The following JAKMIP1 variants were observed in gnomAD, a reference collection of about 807,000 sequenced individuals.
JAKMIP1 encodes the protein janus kinase and microtubule-interacting protein 1.
In JAKMIP1, 33 loss-of-function variants were observed where a neutral mutation model predicts 113.0. That is an observed-to-expected ratio of 0.29 (90% CI 0.22 to 0.39). The LOEUF (loss-of-function observed/expected upper bound fraction) is 0.39. Ranked by LOEUF, JAKMIP1 falls within the 10% of genes least tolerant of loss-of-function variation. JAKMIP1 has a pLI of 1.00. For missense variants in JAKMIP1, 813 were observed against 1,080.5 expected (o/e 0.75, Z 3.47); for synonymous variants, 480 against 459.9 (o/e 1.04, Z -0.56).
At chr4:6,163,166 T>C (rs1268947711) in intron 1 of JAKMIP1, among the ~76,000 whole-genome samples, 1 of 152,232 alleles carries the variant, frequency 6.6e-6, no homozygotes, top group Non-Finnish European at 1.5e-5. Context: ...CAGACATACC[T>C]TGTTTTATTG....
At chr4:6,127,032 C>A (rs1277631937) in intron 1 of JAKMIP1, among the ~76,000 whole-genome samples, 4 of 152,170 alleles carry the variant, frequency 2.6e-5, no homozygotes, top group Non-Finnish European at 2.9e-5. Flanking sequence ...CACACACACA[C>A]AGAAGACACA....
At chr4:6,056,609 C>T (rs6831096) in intron 12 of JAKMIP1, 88 bp downstream of exon 12, 23 of 975,512 alleles carry the variant, frequency 2.4e-5, no homozygotes, top group South Asian at 9.0e-5. Flanking sequence ...GCCCAAATGG[C>T]GCTGGGCACG....
At chr4:6,054,261 A>C in intron 12 of JAKMIP1, 113 bp from the exon 13 acceptor site, 8 of 1,021,544 alleles carry the variant, frequency 7.8e-6, no homozygotes, top group South Asian at 1.4e-5. Context: ...CCACGGAGGC[A>C]AGGGGCAGGA....
Position 6,168,492 on chromosome 4 carries a change from T to TTG in JAKMIP1, c.-148+31760_-148+31761insCA, listed in dbSNP as rs1229341707. 6.6e-6 allele frequency among the ~76,000 whole-genome samples: 1 copy of TTG among 151,902 alleles called. No homozygotes were observed. Among genetic ancestry groups the TTG allele is most frequent in the African/African-American group, 2.4e-5 (1 of 41,166 alleles). On this transcript the variant is annotated intron_variant, in intron 1 of 20. Coordinates refer to ENST00000409021, the MANE Select transcript of JAKMIP1 (RefSeq NM_001099433.2). This position sits in a 1 kb window ranked among gnomAD's most constrained non-coding sequence, Gnocchi z 4.6. Reference sequence around the variant, plus strand: ...GAAGGAATGAAGTCTCAACACCTGCTACGACATGAATGAACCTGGAAAACA... The same window carrying TTG: ...GAAGGAATGAAGTCTCAACACCTGCTTGACGACATGAATGAACCTGGAAAACA...
rs1718652849 is a variant in JAKMIP1, at chr4:6,069,519, C to T, written c.1303-4511G>A. 6.6e-6 allele frequency among the ~76,000 whole-genome samples: 1 copy of T among 152,078 alleles called. No individual in the cohort carries two copies. On this transcript the variant is annotated intron_variant, in intron 8 of 20. Coordinates refer to ENST00000409021, the MANE Select transcript of JAKMIP1 (RefSeq NM_001099433.2). The surrounding 1 kb of genome is among the most constrained non-coding windows in gnomAD (Gnocchi z 4.5). ...ATCCCAGCACTTTGGGAGGCTGAGG[C>T]AGAAAGATCGCTTGAGCCCAGGAGT...
intron 3 of JAKMIP1, among the ~76,000 whole-genome samples, chr4:6,104,992 C>T (rs1359732514): frequency 2.0e-5 from 3 of 152,244 alleles, no homozygotes; most frequent in Non-Finnish European, 4.4e-5. Flanking sequence ...GCCGCCCAGG[C>T]AGGGCTCTTT....
At position 6,121,954 on chromosome 4, in the gene JAKMIP1, T is replaced by C. The variant is rs546818816; in HGVS notation, c.-147-8957A>G. 5.9e-4 allele frequency among the ~76,000 whole-genome samples: 90 copies of C among 152,350 alleles called. 2 individuals carry two copies. In the South Asian group the frequency reaches 0.015, roughly 25 times the overall value. On this transcript the variant is annotated intron_variant, in intron 1 of 20. Coordinates refer to ENST00000409021, the MANE Select transcript of JAKMIP1 (RefSeq NM_001099433.2). The stretch of plus-strand genomic sequence containing the variant: ...ATCGTACATACAGCATACTACAGTG[T>C]ATATGTACATATAATGTGTATATAT...
intron 8 of JAKMIP1, among the ~76,000 whole-genome samples, chr4:6,075,330 TAGAGAAGAA>T (rs1478443424): frequency 6.6e-6 from 1 of 151,918 alleles, no homozygotes; most frequent in Non-Finnish European, 1.5e-5. Context: ...TGGCCTGTGG[TAGAGAAGAA>T]AGAGAAGCTT....
At chr4:6,125,598 AACACAC>A (rs111906803) in intron 1 of JAKMIP1, among the ~76,000 whole-genome samples, 2 of 111,998 alleles carry the variant, frequency 1.8e-5, no homozygotes, top group South Asian at 3.1e-4. Flanking sequence ...ACCATGCAGA[AACACAC>A]ACACACACAC....
rs758141768 is a variant in JAKMIP1 at position 6,167,991 on chromosome 4, G to A, written c.-148+32262C>T. Among the ~76,000 whole-genome samples, 1 of 152,148 alleles carries A rather than the reference G, an allele frequency of 6.6e-6. No individual in the cohort carries two copies. The highest frequency in any genetic ancestry group is 1.5e-5 in the Non-Finnish European group (1 of 68,034). On this transcript the variant is annotated intron_variant, in intron 1 of 20. Coordinates refer to ENST00000409021, the MANE Select transcript of JAKMIP1 (RefSeq NM_001099433.2). This position sits in a 1 kb window ranked among gnomAD's most constrained non-coding sequence, Gnocchi z 5.3. ...GTCCGCCCATCCTCCACATCACCCG[G>A]TGTTCAACAGGGAAGACACACAAAT...
At chr4:6,152,907 G>C (rs13151895) in intron 1 of JAKMIP1, among the ~76,000 whole-genome samples, 1 of 151,172 alleles carries the variant, frequency 6.6e-6, no homozygotes, top group Non-Finnish European at 1.5e-5. Context: ...GGAGGCGGAG[G>C]TTGCAGTGAG....
At chr4:6,072,673 A>G (rs1444454696) in intron 8 of JAKMIP1, among the ~76,000 whole-genome samples, 1 of 152,222 alleles carries the variant, frequency 6.6e-6, no homozygotes, top group Admixed American at 6.5e-5. Context: ...GCTGGATCCC[A>G]GGGCACCATC....
chr4:6,042,120 G>A lies in JAKMIP1; in HGVS notation c.2097+39C>T, dbSNP rs747398890. On this transcript the variant is annotated intron_variant, in intron 17 of 20. Transcript: ENST00000409021. This position sits in a 1 kb window ranked among gnomAD's most constrained non-coding sequence, Gnocchi z 5.2. ...GCAAATCAACCTCTCTGAGCTCTTTGAACCCTCTCCCCCACCCCCAGGCAG... is the reference window on the plus strand; with the variant it reads ...GCAAATCAACCTCTCTGAGCTCTTTAAACCCTCTCCCCCACCCCCAGGCAG... 1.3e-6 allele frequency: 2 copies of A among 1,526,036 alleles called. No homozygotes were observed. Among genetic ancestry groups the A allele is most frequent in the African/African-American group, 2.7e-5 (2 of 73,070 alleles). The allele number at this position is 1,526,036 out of a possible 1,614,324, so 94.5% of individuals were successfully genotyped here.
rs1016630121 is a variant in JAKMIP1 at position 6,112,952 on chromosome 4, G to A, written c.-102C>T. 16 of 1,454,622 alleles carry A rather than the reference G, an allele frequency of 1.1e-5. No individual in the cohort carries two copies. The highest frequency in any genetic ancestry group is 4.2e-5 in the South Asian group (3 of 71,934). The allele number at this position is 1,454,622 out of a possible 1,614,324, so 90.1% of individuals were successfully genotyped here. The stretch of plus-strand genomic sequence containing the variant: ...CAGCTCCACCGTGCTAACCAGTCGC[G>A]CAGGACTCAGCTCGCCCTCCGAGGA... On this transcript the variant is annotated 5_prime_UTR_variant, in exon 2 of 21. Coordinates refer to ENST00000409021, the MANE Select transcript of JAKMIP1 (RefSeq NM_001099433.2).
chr4:6,124,754 C>T (rs914472148), intron 1 of JAKMIP1, among the ~76,000 whole-genome samples: 5 of 152,380 alleles, frequency 3.3e-5, no homozygotes, highest in African/African-American at 1.2e-4. Flanking sequence ...GTGCCCTTCT[C>T]TAGCTCACAG....
At chr4:6,026,845 A>C (rs1462897134) in intron 20 of JAKMIP1, among the ~76,000 whole-genome samples, 1 of 147,760 alleles carries the variant, frequency 6.8e-6, no homozygotes, top group Non-Finnish European at 1.5e-5. Flanking sequence ...ACTTTCTTAA[A>C]ACATTATGGA....
intron 3 of JAKMIP1, among the ~76,000 whole-genome samples, chr4:6,098,014 T>C (rs960691374): frequency 2.0e-5 from 3 of 152,222 alleles, no homozygotes; most frequent in Admixed American, 6.5e-5. Context: ...ATAACAAAAG[T>C]GTAGTGTCGA....
Position 6,076,257 on chromosome 4 carries a change from C to T in JAKMIP1, c.1302+2682G>A, listed in dbSNP as rs775055446. ...AGACAAGTTCTACTCAAACCACTTC[C>T]TATTTCTGAGTTTCTAATGTCAATG... On this transcript the variant is annotated intron_variant, in intron 8 of 20. Coordinates refer to ENST00000409021, the MANE Select transcript of JAKMIP1 (RefSeq NM_001099433.2). This position sits in a 1 kb window ranked among gnomAD's most constrained non-coding sequence, Gnocchi z 4.8. 2.6e-4 allele frequency among the ~76,000 whole-genome samples: 40 copies of T among 152,122 alleles called. No homozygotes were observed. Among genetic ancestry groups the T allele is most frequent in the Non-Finnish European group, 4.6e-4 (31 of 68,020 alleles).
chr4:6,176,968 G>A lies in JAKMIP1; in HGVS notation c.-148+23285C>T, dbSNP rs1261118123. Among the ~76,000 whole-genome samples the A allele has an allele frequency of 6.6e-6, 1 of 152,196 alleles. No homozygotes were observed. Among genetic ancestry groups the A allele is most frequent in the African/African-American group, 2.4e-5 (1 of 41,450 alleles). ...GGATCGCTTGCATCGGGGAGGTTGAGGCTGCAGTGAGCCATGATTTGTGCC... is the reference window on the plus strand; with the variant it reads ...GGATCGCTTGCATCGGGGAGGTTGAAGCTGCAGTGAGCCATGATTTGTGCC... On this transcript the variant is annotated intron_variant, in intron 1 of 20. Transcript: ENST00000409021. This position sits in a 1 kb window ranked among gnomAD's most constrained non-coding sequence, Gnocchi z 5.5.
Sources: gnomAD v4.1 joint callset for allele counts (sites outside exome capture counted in the v4.1 genomes callset) on GRCh38, gnomAD v4.1.1 for gene constraint, Gnocchi (gnomAD v3.1) non-coding constraint, MANE v1.5 for transcripts, NCBI Gene and HGNC (gene_info 2026-07-23, HGNC 2026-07-21) for gene names.